The following NT5DC1 variants were observed in gnomAD, a reference collection of about 807,000 sequenced individuals.
The protein encoded by NT5DC1 is 5'-nucleotidase domain-containing protein 1.
NT5DC1 carries 42 observed loss-of-function variants against 59.4 expected under a neutral mutation model. That is an observed-to-expected ratio of 0.71 (90% CI 0.55 to 0.92). The LOEUF (loss-of-function observed/expected upper bound fraction) is 0.92. NT5DC1 is among the 40% of genes least tolerant of loss of function. The pLI is 0.00. For synonymous variants in NT5DC1, 172 were observed against 188.1 expected, an observed-to-expected ratio of 0.91 and a Z score of 0.70; for missense variants, 501 against 537.1, an observed-to-expected ratio of 0.93 and a Z score of 0.66.
At chr6:116,202,042 G>C (rs1308478736) in intron 6 of NT5DC1, among the ~76,000 whole-genome samples, 2 of 151,992 alleles carry the variant, frequency 1.3e-5, no homozygotes, top group African/African-American at 4.8e-5. Flanking sequence ...CAGTGTGGTA[G>C]CCATTAACCA....
rs549683427 is a variant in NT5DC1 at position 116,221,618 on chromosome 6, G to A, written c.704+390G>A. On this transcript the variant is annotated intron_variant, in intron 7 of 11. Transcript: ENST00000319550. ...GTACAGCCACTCTTTAGTCATTTCCGTGCGGAGCCATGTATTTTACTGTTT... is the reference window on the plus strand; with the variant it reads ...GTACAGCCACTCTTTAGTCATTTCCATGCGGAGCCATGTATTTTACTGTTT... Among the ~76,000 whole-genome samples the A allele has an allele frequency of 1.4e-4, 22 of 152,266 alleles. 1 individual carries two copies. The South Asian group carries it at 3.3e-3, about 23-fold the overall frequency.
chr6:116,170,755 T>C (rs954372076), intron 6 of NT5DC1, among the ~76,000 whole-genome samples: 8 of 152,194 alleles, frequency 5.3e-5, no homozygotes, highest in African/African-American at 1.2e-4. Flanking sequence ...TACTAGGAAA[T>C]ACCTCTGAAA....
chr6:116,101,019 C>T lies in NT5DC1; in HGVS notation c.89C>T (p.Ala30Val). The T allele has an allele frequency of 6.3e-7, 1 of 1,595,568 alleles. No homozygotes were observed. Among genetic ancestry groups the T allele is most frequent in the Non-Finnish European group, 8.5e-7 (1 of 1,172,108 alleles). The change falls in exon 1 of 12, where the codon GCC (alanine) becomes GTC (valine). Residue 30 changes from alanine (A) to valine (V), a missense_variant. By Grantham distance (64) the Ala-to-Val change is moderately conservative (BLOSUM62 0). Transcript: ENST00000319550. ...TGTCGCTACAACCTGCCCGAGAGCG[C>T]CCCGGTGAGTGGCGCGGGCTCCGGG... Reference protein sequence around the residue: ...TLCRYNLPESAPLIYNSFAQF... With the variant: ...TLCRYNLPESVPLIYNSFAQF...
At chr6:116,160,736 TATA>T (rs1315167788) in intron 6 of NT5DC1, among the ~76,000 whole-genome samples, 9 of 152,180 alleles carry the variant, frequency 5.9e-5, no homozygotes, top group Admixed American at 2.6e-4. Context: ...TTTCTTCTAG[TATA>T]ATATTTATAG....
intron 6 of NT5DC1, among the ~76,000 whole-genome samples, chr6:116,130,564 C>CT (rs1779434237): frequency 6.6e-6 from 1 of 152,176 alleles, no homozygotes; most frequent in Admixed American, 6.5e-5. Flanking sequence ...AAACCACAGT[C>CT]TGAGTGCCTG....
At chr6:116,213,017 AT>A (rs1418496481) in intron 6 of NT5DC1, among the ~76,000 whole-genome samples, 2 of 152,124 alleles carry the variant, frequency 1.3e-5, no homozygotes, top group African/African-American at 4.8e-5. Context: ...TTCTAAAAGG[AT>A]TTGTGAATAT....
At chr6:116,233,376 A>G (rs891575638) in intron 8 of NT5DC1, among the ~76,000 whole-genome samples, 2 of 152,182 alleles carry the variant, frequency 1.3e-5, no homozygotes, top group African/African-American at 4.8e-5. Flanking sequence ...CCTGTTTTCA[A>G]TATATATGGA....
At chr6:116,207,187 T>G (rs1340224294) in intron 6 of NT5DC1, among the ~76,000 whole-genome samples, 1 of 152,000 alleles carries the variant, frequency 6.6e-6, no homozygotes, top group Admixed American at 6.6e-5. Context: ...TACAGCAGAT[T>G]TCTTCCACTT....
chr6:116,211,529 A>G (rs1781577524), intron 6 of NT5DC1, among the ~76,000 whole-genome samples: 1 of 152,072 alleles, frequency 6.6e-6, no homozygotes, highest in South Asian at 2.1e-4. Flanking sequence ...TTTATATTGT[A>G]TATTTGGTTA....
At chr6:116,220,311 A>C (rs750942585) in intron 6 of NT5DC1, among the ~76,000 whole-genome samples, 20 of 152,096 alleles carry the variant, frequency 1.3e-4, no homozygotes, top group Non-Finnish European at 2.8e-4. Flanking sequence ...CTTTAAAGGC[A>C]TTGGGTCAAG....
chr6:116,168,083 C>CTTTTT (rs34803424), intron 6 of NT5DC1, among the ~76,000 whole-genome samples: 1 of 119,030 alleles, frequency 8.4e-6, no homozygotes, highest in Non-Finnish European at 1.8e-5. Flanking sequence ...TACCTGGTGT[C>CTTTTT]TTTTTTTTTT....
chr6:116,119,327 A>C (rs1779034875), intron 6 of NT5DC1: 1 of 152,468 alleles, frequency 6.6e-6, no homozygotes, highest in Non-Finnish European at 1.5e-5. Context: ...TTAACTAAAT[A>C]AGAATAGGTC....
intron 6 of NT5DC1, among the ~76,000 whole-genome samples, chr6:116,217,676 G>T (rs772034415): frequency 6.6e-6 from 1 of 151,960 alleles, no homozygotes; most frequent in East Asian, 1.9e-4. Flanking sequence ...CTCTTGCCTT[G>T]AATGTAAGGA....
chr6:116,227,607 T>C (rs1781934856), intron 8 of NT5DC1, among the ~76,000 whole-genome samples: 1 of 152,202 alleles, frequency 6.6e-6, no homozygotes, highest in Non-Finnish European at 1.5e-5. Context: ...TTCCCTTTTC[T>C]CCACATGCTC....
intron 11 of NT5DC1, among the ~76,000 whole-genome samples, chr6:116,242,916 T>C (rs1004021853): frequency 2.0e-5 from 3 of 152,090 alleles, no homozygotes; most frequent in Non-Finnish European, 2.9e-5. Context: ...CTGCTGCTTG[T>C]AGTAGCCCTT....
At chr6:116,137,272 A>G (rs1236707427) in intron 6 of NT5DC1, 1 of 156,216 alleles carries the variant, frequency 6.4e-6, no homozygotes, top group African/African-American at 2.4e-5. Flanking sequence ...CCATATAGAA[A>G]GGACTGCTGT....
intron 8 of NT5DC1, among the ~76,000 whole-genome samples, chr6:116,229,681 T>G (rs1017064936): frequency 1.3e-5 from 2 of 152,182 alleles, no homozygotes; most frequent in Admixed American, 6.5e-5. Context: ...TAAATTATCA[T>G]TGGAGAGGGA....
At chr6:116,148,552 T>G (rs766154526) in intron 6 of NT5DC1, among the ~76,000 whole-genome samples, 19 of 152,184 alleles carry the variant, frequency 1.2e-4, no homozygotes, top group Non-Finnish European at 2.5e-4. Context: ...GTACTCAGAA[T>G]GTGAACATGT....
At chr6:116,182,157 T>C (rs1012642214) in intron 6 of NT5DC1, among the ~76,000 whole-genome samples, 2 of 151,962 alleles carry the variant, frequency 1.3e-5, no homozygotes, top group African/African-American at 4.8e-5. Flanking sequence ...ACCTCCAATT[T>C]CATCCAGGTT....
Sources: gnomAD v4.1 joint callset for allele counts (sites outside exome capture counted in the v4.1 genomes callset) on GRCh38, gnomAD v4.1.1 for gene constraint, MANE v1.5 for transcripts, NCBI Gene and HGNC (gene_info 2026-07-23, HGNC 2026-07-21) for gene names.